The following ATP11C variants were observed in gnomAD, a reference collection of about 807,000 sequenced individuals.
ATP11C encodes the protein ATPase phospholipid transporting 11C (ATP11C blood group), also known as phospholipid-transporting ATPase IG.
In ATP11C, 36 loss-of-function variants were observed where a neutral mutation model predicts 97.4. The ratio of observed to expected loss-of-function variants is 0.37; its 90% CI spans 0.28 to 0.49. The LOEUF (loss-of-function observed/expected upper bound fraction) is 0.49, where lower values mean the gene tolerates loss of function less well. ATP11C is among the 20% of genes least tolerant of loss of function. The pLI, the probability that ATP11C is intolerant of heterozygous loss-of-function variation, is 0.98. For synonymous variants in ATP11C, 275 were observed against 290.9 expected (o/e 0.95, Z 0.56); for missense variants, 730 against 824.6 (o/e 0.89, Z 1.40).
intron 20 of ATP11C, among the ~76,000 whole-genome samples, chrX:139,767,079 AG>A (rs2082154172): frequency 8.9e-6 from 1 of 111,972 alleles, no homozygotes; most frequent in African/African-American, 3.3e-5. Flanking sequence ...AGACATGTTA[AG>A]GGACAACAGT....
upstream of ATP11C, among the ~76,000 whole-genome samples, chrX:139,933,514 T>A (rs747917366): frequency 5.3e-5 from 6 of 112,467 alleles, no homozygotes; most frequent in Non-Finnish European, 9.4e-5. Flanking sequence ...AGGCTGGGCA[T>A]CCCTCCCAAC....
intron 1 of ATP11C, among the ~76,000 whole-genome samples, chrX:139,875,683 T>G (rs1385064014): frequency 8.9e-6 from 1 of 112,157 alleles, no homozygotes; most frequent in Non-Finnish European, 1.9e-5. Context: ...CATTTTTATA[T>G]TCAAGTGGTT....
chrX:139,819,062 A>C (rs1229024139), intron 3 of ATP11C, among the ~76,000 whole-genome samples: 1 of 112,030 alleles, frequency 8.9e-6, no homozygotes, highest in Non-Finnish European at 1.9e-5. Flanking sequence ...TACACAATAC[A>C]CGTCATCCTG....
intron 20 of ATP11C, among the ~76,000 whole-genome samples, chrX:139,767,671 A>G (rs1381456543): frequency 8.9e-6 from 1 of 111,783 alleles, no homozygotes; most frequent in Non-Finnish European, 1.9e-5. Flanking sequence ...ATCCAGAGAG[A>G]GACCATAAAG....
chrX:139,813,757 G>A (rs2083226256), intron 5 of ATP11C, among the ~76,000 whole-genome samples: 1 of 111,490 alleles, frequency 9.0e-6, no homozygotes, highest in Non-Finnish European at 1.9e-5. Context: ...GGGTTGGGGG[G>A]AATAAGGAAT....
chrX:139,819,863 A>G (rs1366858257), intron 2 of ATP11C, among the ~76,000 whole-genome samples: 1 of 112,185 alleles, frequency 8.9e-6, no homozygotes, highest in Non-Finnish European at 1.9e-5. Context: ...CCAACACTCA[A>G]CACAGTGCCT....
rs773204956 is a variant in ATP11C at position 139,784,916 on chromosome X, G to A, written c.1666+310C>T. 1.8e-5 allele frequency among the ~76,000 whole-genome samples: 2 copies of A among 111,263 alleles called. 1 individual carries two copies. Among genetic ancestry groups the A allele is most frequent in the South Asian group, 7.7e-4 (2 of 2,585 alleles). ...TGCATGTAAACATTACTGGTAGACT[G>A]GTCAGTACCCTGAACCATATAAAAG... is the stretch of plus-strand genomic sequence containing the variant. On this transcript the variant is annotated intron_variant, in intron 16 of 29. Coordinates refer to ENST00000682941, the MANE Select transcript of ATP11C (RefSeq NM_001353812.2).
At chrX:139,879,374 A>T (rs1249619060) in intron 1 of ATP11C, among the ~76,000 whole-genome samples, 1 of 111,234 alleles carries the variant, frequency 9.0e-6, no homozygotes, top group African/African-American at 3.3e-5. Context: ...CATTTGTAAC[A>T]AAATGAATGA....
intron 19 of ATP11C, among the ~76,000 whole-genome samples, chrX:139,769,429 C>A (rs1284759346): frequency 9.8e-6 from 1 of 101,814 alleles, no homozygotes; most frequent in African/African-American, 3.6e-5. Context: ...GGGGCCTATC[C>A]CCAGACCAAT....
intron 1 of ATP11C, among the ~76,000 whole-genome samples, chrX:139,839,468 C>G (rs1043554273): frequency 8.9e-6 from 1 of 111,889 alleles, no homozygotes; most frequent in African/African-American, 3.3e-5. Flanking sequence ...ATCCATTCAA[C>G]CAATATTTAT....
At chrX:139,743,191 A>ACTCT (rs757081610) in intron 26 of ATP11C, among the ~76,000 whole-genome samples, 3 of 103,478 alleles carry the variant, frequency 2.9e-5, no homozygotes, top group Non-Finnish European at 6.0e-5. Flanking sequence ...ACACACACAC[A>ACTCT]CTCTCTCTCT....
chrX:139,731,534 T>C lies in ATP11C; in HGVS notation c.*3+117A>G, dbSNP rs370517795. 111 of 324,175 alleles carry C rather than the reference T, an allele frequency of 3.4e-4. No homozygotes were observed. In the East Asian group the frequency reaches 5.3e-3, roughly 16 times the overall value. The allele number at this position is 324,175 out of a possible 1,213,427, so 26.7% of individuals were successfully genotyped here. A position where few individuals can be genotyped will look rare whatever the true frequency, so the allele number is the denominator to read the frequency against. Reference sequence around the variant, plus strand: ...ATCTTTATATTTTTGCAAAGAATATTGTAAAGTTCACCACACCAACAGCAG... The same window carrying C: ...ATCTTTATATTTTTGCAAAGAATATCGTAAAGTTCACCACACCAACAGCAG... On this transcript the variant is annotated intron_variant, in intron 29 of 29. Transcript: ENST00000682941.
At chrX:139,896,067 A>G (rs2084800391) in intron 1 of ATP11C, among the ~76,000 whole-genome samples, 1 of 111,786 alleles carries the variant, frequency 8.9e-6, no homozygotes, top group Admixed American at 9.6e-5. Flanking sequence ...TGCTGAATGA[A>G]TAAATAAAAT....
chrX:139,758,694 T>C (rs552228453), intron 22 of ATP11C, among the ~76,000 whole-genome samples: 4 of 112,196 alleles, frequency 3.6e-5, no homozygotes, highest in African/African-American at 1.3e-4. Context: ...TTCAAATAAG[T>C]GCTATCCTTC....
intron 28 of ATP11C, among the ~76,000 whole-genome samples, chrX:139,735,996 G>T (rs1178342613): frequency 9.0e-6 from 1 of 111,604 alleles, no homozygotes; most frequent in East Asian, 2.8e-4. Context: ...AATTTTCCTG[G>T]TTGTTCTAGC....
At chrX:139,869,919 T>C (rs1350212890) in intron 1 of ATP11C, among the ~76,000 whole-genome samples, 1 of 106,093 alleles carries the variant, frequency 9.4e-6, no homozygotes, top group Non-Finnish European at 1.9e-5. Flanking sequence ...ATGTGATATA[T>C]TCATACAATG....
chrX:139,869,795 A>AAAT (rs35904908), intron 1 of ATP11C, among the ~76,000 whole-genome samples: 30,700 of 92,187 alleles, frequency 0.33, 5,477 homozygotes, highest in African/African-American at 0.54. Flanking sequence ...CTCTGTCTCA[A>AAAT]AATAATAATA....
intron 1 of ATP11C, among the ~76,000 whole-genome samples, chrX:139,888,197 G>T (rs914691375): frequency 1.9e-5 from 2 of 105,984 alleles, no homozygotes; most frequent in African/African-American, 6.9e-5. Context: ...GCAACAGTGC[G>T]ATCTCAGCTC....
chrX:139,760,536 A>G (rs2082017330), intron 22 of ATP11C, among the ~76,000 whole-genome samples: 1 of 112,333 alleles, frequency 8.9e-6, no homozygotes, highest in African/African-American at 3.2e-5. Context: ...TTCAAATATC[A>G]TAACTACTTG....
Sources: allele counts gnomAD v4.1 joint callset (sites outside exome capture counted in the v4.1 genomes callset), GRCh38; gene constraint gnomAD v4.1.1; transcripts MANE v1.5; gene names NCBI Gene and HGNC (gene_info 2026-07-23, HGNC 2026-07-21).